Variants in DLGAP1 observed in about 807,000 individuals in gnomAD.
DLGAP1 encodes disks large-associated protein 1.
Under a neutral mutation model 90.8 loss-of-function variants are expected in DLGAP1, and 11 were observed. That is an observed-to-expected ratio of 0.12 (90% CI 0.08 to 0.20). The LOEUF is 0.20. Ranked by LOEUF, DLGAP1 falls within the 10% of genes least tolerant of loss-of-function variation. The pLI is 1.00. For missense variants in DLGAP1, 1,050 were observed against 1,333.8 expected (o/e 0.79, Z 3.31); for synonymous variants, 558 against 540.7 (o/e 1.03, Z -0.44).
rs1276873575 is a variant in DLGAP1 at position 4,411,392 on chromosome 18, G to T, written c.-267+43614C>A. Among the ~76,000 whole-genome samples, 8 of 152,262 alleles carry T rather than the reference G, an allele frequency of 5.3e-5. No homozygotes were observed. The East Asian group carries it at 1.5e-3, about 29-fold the overall frequency. On this transcript the variant is annotated intron_variant, in intron 1 of 12. Coordinates refer to ENST00000315677, the MANE Select transcript of DLGAP1 (RefSeq NM_004746.4). ...GATACAACATCATGGCTGTTTGCAA[G>T]GTTTGGGTGGACTCATAATTACAGT... is the stretch of plus-strand genomic sequence containing the variant.
chr18:3,989,409 A>G (rs992039003), intron 3 of DLGAP1, among the ~76,000 whole-genome samples: 1 of 152,206 alleles, frequency 6.6e-6, no homozygotes, highest in Non-Finnish European at 1.5e-5. Context: ...GTGTCAATGA[A>G]GAGAAGGAAG....
chr18:4,116,911 A>C (rs910888081), intron 2 of DLGAP1, among the ~76,000 whole-genome samples: 8 of 152,168 alleles, frequency 5.3e-5, no homozygotes, highest in Non-Finnish European at 1.0e-4. Context: ...TATGAGCTGA[A>C]TATGTTATGG....
intron 3 of DLGAP1, among the ~76,000 whole-genome samples, chr18:3,948,222 C>T (rs2072914119): frequency 6.6e-6 from 1 of 151,548 alleles, no homozygotes; most frequent in Admixed American, 6.5e-5. Flanking sequence ...TGATGGCAAC[C>T]TCATCAATTT....
At chr18:4,279,550 C>A (rs1324754883) in intron 1 of DLGAP1, among the ~76,000 whole-genome samples, 1 of 152,156 alleles carries the variant, frequency 6.6e-6, no homozygotes, top group African/African-American at 2.4e-5. Context: ...AGATTCAAAG[C>A]TGTAGGTAAA....
At chr18:4,366,467 G>A (rs1454632573) in intron 1 of DLGAP1, among the ~76,000 whole-genome samples, 2 of 152,068 alleles carry the variant, frequency 1.3e-5, no homozygotes, top group East Asian at 1.9e-4. Context: ...ATTATTTCTT[G>A]TAGGGAGTGA....
At chr18:4,181,841 T>C (rs1468473537) in intron 1 of DLGAP1, among the ~76,000 whole-genome samples, 1 of 152,160 alleles carries the variant, frequency 6.6e-6, no homozygotes, top group Non-Finnish European at 1.5e-5. Flanking sequence ...AGGGGAGCCC[T>C]TACTGAGAAA....
At chr18:3,739,153 T>C (rs1438048722) in intron 6 of DLGAP1, among the ~76,000 whole-genome samples, 4 of 124,790 alleles carry the variant, frequency 3.2e-5, no homozygotes, top group Admixed American at 1.7e-4. Flanking sequence ...TGTGGAGAAA[T>C]AGGAACACTT....
intron 1 of DLGAP1, among the ~76,000 whole-genome samples, chr18:4,255,221 C>T (rs2078864579): frequency 6.6e-6 from 1 of 152,182 alleles, no homozygotes; most frequent in African/African-American, 2.4e-5. Context: ...TACTGAACTA[C>T]TTGAGAAGCA....
chr18:3,756,389 T>C (rs1358405584), intron 5 of DLGAP1, among the ~76,000 whole-genome samples: 1 of 151,942 alleles, frequency 6.6e-6, no homozygotes, highest in African/African-American at 2.4e-5. Flanking sequence ...AAAGAGAAAG[T>C]TGCAAGGGAA....
At chr18:4,046,585 A>G (rs2075057882) in intron 2 of DLGAP1, among the ~76,000 whole-genome samples, 1 of 152,266 alleles carries the variant, frequency 6.6e-6, no homozygotes, top group Admixed American at 6.5e-5. Flanking sequence ...CGTGCTGGAC[A>G]TATTAATTCT....
intron 2 of DLGAP1, among the ~76,000 whole-genome samples, chr18:4,106,671 AAAAC>A (rs1598411220): frequency 6.6e-6 from 1 of 152,254 alleles, no homozygotes; most frequent in East Asian, 1.9e-4. Context: ...TTCTCAGACC[AAAAC>A]ACAAACCAGA....
chr18:3,887,193 G>A lies in DLGAP1; in HGVS notation c.-72-7053C>T, dbSNP rs140106694. 4.5e-3 allele frequency among the ~76,000 whole-genome samples: 680 copies of A among 152,336 alleles called. 18 individuals carry two copies. Among genetic ancestry groups the A allele is most frequent in the Admixed American group, 0.034 (513 of 15,302 alleles). On this transcript the variant is annotated intron_variant, in intron 3 of 12. Transcript: ENST00000315677. Reference sequence around the variant, plus strand: ...GCTCTGCAGAGGGAGTCTGTGTGGAGAGAGGAGACAAAATAGCTCGCGGTT... The same window carrying A: ...GCTCTGCAGAGGGAGTCTGTGTGGAAAGAGGAGACAAAATAGCTCGCGGTT...
intron 4 of DLGAP1, among the ~76,000 whole-genome samples, chr18:3,858,494 G>A (rs1568247787): frequency 6.8e-6 from 1 of 147,110 alleles, no homozygotes; most frequent in Non-Finnish European, 1.5e-5. Flanking sequence ...ATATATACGT[G>A]TATATATACA....
intron 7 of DLGAP1, among the ~76,000 whole-genome samples, chr18:3,666,365 A>G (rs548889540): frequency 6.7e-6 from 1 of 148,434 alleles, no homozygotes; most frequent in Admixed American, 6.7e-5. Context: ...TTTAGTAAGG[A>G]TTTCCACCTT....
chr18:4,340,583 G>A (rs1240868566), intron 1 of DLGAP1, among the ~76,000 whole-genome samples: 2 of 151,570 alleles, frequency 1.3e-5, no homozygotes, highest in African/African-American at 4.9e-5. Context: ...CTCATTTAAT[G>A]TCCACAACAG....
chr18:4,365,576 A>C (rs2081744732), intron 1 of DLGAP1, among the ~76,000 whole-genome samples: 1 of 152,168 alleles, frequency 6.6e-6, no homozygotes, highest in South Asian at 2.1e-4. Context: ...TACCTCAATA[A>C]AACTATTAAA....
At chr18:4,439,237 A>G (rs1417585645) in intron 1 of DLGAP1, among the ~76,000 whole-genome samples, 3 of 152,184 alleles carry the variant, frequency 2.0e-5, no homozygotes, top group African/African-American at 7.2e-5. Flanking sequence ...TGCCATTTCT[A>G]TTAGTGAGTT....
intron 7 of DLGAP1, among the ~76,000 whole-genome samples, chr18:3,608,639 T>A (rs1358736335): frequency 6.6e-6 from 1 of 152,128 alleles, no homozygotes; most frequent in Non-Finnish European, 1.5e-5. Context: ...GGTCACTCAC[T>A]GTGAGAGCTG....
chr18:3,819,804 G>A (rs2067305572), intron 4 of DLGAP1, among the ~76,000 whole-genome samples: 1 of 151,904 alleles, frequency 6.6e-6, no homozygotes, highest in Non-Finnish European at 1.5e-5. Flanking sequence ...CATGTCTTTT[G>A]GGTAACAATT....
Sources: gnomAD v4.1 joint callset for allele counts (sites outside exome capture counted in the v4.1 genomes callset) on GRCh38, gnomAD v4.1.1 for gene constraint, MANE v1.5 for transcripts, NCBI Gene and HGNC (gene_info 2026-07-23, HGNC 2026-07-21) for gene names.